STXBP4: variants seen among roughly 807,000 people sequenced by gnomAD.
STXBP4 encodes the protein syntaxin binding protein 4.
Under a neutral mutation model 76.1 loss-of-function variants are expected in STXBP4, and 55 were observed. The observed-to-expected ratio is 0.72, with a 90% CI of 0.58 to 0.91. The LOEUF (loss-of-function observed/expected upper bound fraction) is 0.91. Among genes scored for constraint, STXBP4 ranks in the 40% least tolerant of loss-of-function variants. STXBP4 has a pLI of 0.00. For missense variants in STXBP4, 618 were observed against 636.9 expected, an observed-to-expected ratio of 0.97 and a Z score of 0.32; for synonymous variants, 201 against 220.2, an observed-to-expected ratio of 0.91 and a Z score of 0.77.
chr17:55,055,778 C>T (rs895204993), intron 12 of STXBP4, among the ~76,000 whole-genome samples: 2 of 152,208 alleles, frequency 1.3e-5, no homozygotes, highest in African/African-American at 4.8e-5. Flanking sequence ...GGTCTCTTTG[C>T]ACCATCTTTC....
intron 16 of STXBP4, among the ~76,000 whole-genome samples, chr17:55,137,246 A>G (rs894162504): frequency 4.0e-5 from 6 of 150,972 alleles, no homozygotes; most frequent in Admixed American, 1.3e-4. Flanking sequence ...ATTGTGAGTT[A>G]GAGATATCTC....
At chr17:55,018,080 C>T (rs2078239967) in intron 8 of STXBP4, among the ~76,000 whole-genome samples, 2 of 152,080 alleles carry the variant, frequency 1.3e-5, no homozygotes, top group Admixed American at 6.6e-5. Context: ...GTTCTCTGAC[C>T]TTGGGTTCTT....
chr17:54,981,815 A>G (rs1297717798), intron 1 of STXBP4, among the ~76,000 whole-genome samples: 1 of 152,124 alleles, frequency 6.6e-6, no homozygotes, highest in Non-Finnish European at 1.5e-5. Flanking sequence ...ATATTTAAGA[A>G]CTCCTAGAAA....
Position 55,007,567 on chromosome 17 carries a change from T to C in STXBP4, c.636T>C (p.Ser212=), listed in dbSNP as rs1254827991. 1 of 1,606,262 alleles carries C rather than the reference T, an allele frequency of 6.2e-7. No individual in the cohort carries two copies. Among genetic ancestry groups the C allele is most frequent in the Non-Finnish European group, 8.5e-7 (1 of 1,178,156 alleles). The change falls in exon 8 of 18, where the codon TCT becomes TCC. Residue 212 remains serine (S), a synonymous_variant. Transcript: ENST00000376352. ...GLQEKISLNP[S]VRFKAEKLEM... is the part of the protein sequence containing the mutation. ...AAGAAAAGATCTCCCTAAATCCCTC[T>C]GTTCGCTTTAAGGCAGAGAAACTGG...
At chr17:54,986,111 G>T in intron 2 of STXBP4, 31 bp from the exon 3 acceptor site, 1 of 942,490 alleles carries the variant, frequency 1.1e-6, no homozygotes, top group South Asian at 1.4e-5. Context: ...TCTAAGACCT[G>T]ACAATTTATT....
At chr17:55,015,645 G>A (rs184263616) in intron 8 of STXBP4, among the ~76,000 whole-genome samples, 1 of 152,140 alleles carries the variant, frequency 6.6e-6, no homozygotes, top group East Asian at 1.9e-4. Context: ...CTTGGAGTGG[G>A]CATAATCGGG....
intron 17 of STXBP4, among the ~76,000 whole-genome samples, chr17:55,159,338 A>T (rs1383746410): frequency 6.6e-6 from 1 of 152,260 alleles, no homozygotes; most frequent in Non-Finnish European, 1.5e-5. Context: ...TTGAATGTTT[A>T]GCAAGTGAGT....
intron 8 of STXBP4, among the ~76,000 whole-genome samples, chr17:55,029,813 C>T (rs988859523): frequency 2.6e-5 from 4 of 151,988 alleles, no homozygotes; most frequent in Non-Finnish European, 4.4e-5. Context: ...CCCTTGAGAC[C>T]GTAAACTCTT....
chr17:55,010,016 A>G (rs1233544561), intron 8 of STXBP4, among the ~76,000 whole-genome samples: 4 of 152,012 alleles, frequency 2.6e-5, no homozygotes, highest in Non-Finnish European at 4.4e-5. Context: ...TCAGTAATAA[A>G]TAAGGCCAAT....
intron 12 of STXBP4, among the ~76,000 whole-genome samples, chr17:55,048,057 G>T (rs1214745131): frequency 2.0e-5 from 3 of 151,744 alleles, no homozygotes; most frequent in African/African-American, 7.2e-5. Flanking sequence ...CAAAATACTG[G>T]CCGTATGTCA....
At chr17:55,100,166 C>G (rs8078124) in intron 16 of STXBP4, among the ~76,000 whole-genome samples, 3,229 of 152,256 alleles carry the variant, frequency 0.021, 125 homozygotes, top group African/African-American at 0.074. Flanking sequence ...ATTTTATTAT[C>G]TGCTGGAATT....
rs142717262 is a variant in STXBP4 at position 55,095,390 on chromosome 17, G to A, written c.1489+14207G>A. ...TGATGCCAGAAAGAAACATCCTCCC[G>A]CAAGGCCTGAAAATCTCCTCTTCCA... On this transcript the variant is annotated intron_variant, in intron 16 of 17. Transcript: ENST00000376352. Among the ~76,000 whole-genome samples, 29 of 152,220 alleles carry A rather than the reference G, an allele frequency of 1.9e-4. 1 individual carries two copies. The East Asian group carries it at 4.8e-3, about 25-fold the overall frequency.
chr17:55,117,267 G>T (rs2079791973), intron 16 of STXBP4, among the ~76,000 whole-genome samples: 1 of 151,722 alleles, frequency 6.6e-6, no homozygotes, highest in South Asian at 2.1e-4. Flanking sequence ...TTGAAGCTAT[G>T]GAAAGAGAAC....
At chr17:55,196,446 A>G in the STXBP4 span, among the ~76,000 whole-genome samples, 2 of 152,170 alleles carry the variant, frequency 1.3e-5, no homozygotes, top group African/African-American at 4.8e-5. Flanking sequence ...AAAATTTTCT[A>G]TTCAACCCTA....
chr17:54,994,954 A>AT (rs2077776995), intron 4 of STXBP4, among the ~76,000 whole-genome samples: 2 of 151,120 alleles, frequency 1.3e-5, no homozygotes, highest in South Asian at 2.1e-4. Context: ...GCTAGGTTTT[A>AT]TTTTTTTCTA....
chr17:55,154,190 G>A (rs543962632), intron 17 of STXBP4, among the ~76,000 whole-genome samples: 1 of 152,194 alleles, frequency 6.6e-6, no homozygotes, highest in South Asian at 2.1e-4. Context: ...ACATTCGGTT[G>A]GCGGATAATG....
intron 13 of STXBP4, 86 bp from the exon 14 acceptor site, chr17:55,077,992 A>G (rs2079206244): frequency 5.1e-6 from 4 of 783,726 alleles, no homozygotes; most frequent in Admixed American, 5.1e-5. Flanking sequence ...GTAATATTGA[A>G]TATTAGTTCA....
intron 17 of STXBP4, among the ~76,000 whole-genome samples, chr17:55,157,994 T>C (rs916573045): frequency 3.9e-5 from 6 of 152,234 alleles, no homozygotes; most frequent in Admixed American, 6.5e-5. Flanking sequence ...GGAAATCTTA[T>C]AGTAAAGAAA....
chr17:54,990,916 GT>G lies in STXBP4; in HGVS notation c.140del (p.Val47AspfsTer18). 1 of 1,602,962 alleles carries G rather than the reference GT, an allele frequency of 6.2e-7. No homozygotes were observed. Among genetic ancestry groups the G allele is most frequent in the African/African-American group, 1.3e-5 (1 of 74,150 alleles). ...GGINRNEGPL[V>X]YIQEIIPGGD... ...AATTAACCGGAATGAAGGCCCATTG[GT>G]ATATATTCAGGAAATTATTCCTGGA... On this transcript the variant is annotated frameshift_variant, in exon 4 of 18. Transcript: ENST00000376352. LOFTEE classifies it high-confidence loss of function.
Sources: allele counts gnomAD v4.1 joint callset (sites outside exome capture counted in the v4.1 genomes callset), GRCh38; gene constraint gnomAD v4.1.1; transcripts MANE v1.5; gene names NCBI Gene and HGNC (gene_info 2026-07-23, HGNC 2026-07-21).